Variants in TPCN2 observed in about 807,000 individuals in gnomAD.
TPCN2 encodes the protein two pore channel protein 2.
A neutral mutation model predicts 111.4 loss-of-function variants in TPCN2; 92 were observed. The observed-to-expected ratio is 0.83, with a 90% CI of 0.70 to 0.98. TPCN2 has a LOEUF of 0.98. Among genes scored for constraint, TPCN2 ranks in the 50% least tolerant of loss-of-function variants. The probability of loss-of-function intolerance (pLI) is 0.00; values close to 1 mark genes in which losing one functional copy is unlikely to be tolerated. For missense variants in TPCN2, 995 were observed against 980.1 expected, an observed-to-expected ratio of 1.02 and a Z score of -0.20; for synonymous variants, 405 against 414.5, an observed-to-expected ratio of 0.98 and a Z score of 0.28.
At chr11:69,072,773 C>T in intron 12 of TPCN2, 65 bp downstream of exon 12, 32 of 1,593,538 alleles carry the variant, frequency 2.0e-5, no homozygotes, top group Non-Finnish European at 2.8e-5. Flanking sequence ...GCCAGCAGCC[C>T]CTTTTCAGGA....
intron 3 of TPCN2, 40 bp from the exon 4 acceptor site, chr11:69,055,135 T>C (rs939193188): frequency 3.1e-5 from 49 of 1,601,758 alleles, no homozygotes; most frequent in Non-Finnish European, 4.0e-5. Context: ...CCCTGAGGGC[T>C]GCTGGCTCCT....
At chr11:69,076,924 GCCATGC>G (rs1486339936) in intron 13 of TPCN2, among the ~76,000 whole-genome samples, 4 of 105,918 alleles carry the variant, frequency 3.8e-5, no homozygotes, top group Non-Finnish European at 5.4e-5. Flanking sequence ...TTGCCCTCCT[GCCATGC>G]CCCTCCACCT....
At chr11:69,072,280 C>A (rs1305820430) in intron 11 of TPCN2, among the ~76,000 whole-genome samples, 1 of 152,212 alleles carries the variant, frequency 6.6e-6, no homozygotes, top group Non-Finnish European at 1.5e-5. Flanking sequence ...CTTCTTGTCC[C>A]CCTTTGTGCT....
intron 18 of TPCN2, among the ~76,000 whole-genome samples, chr11:69,081,941 A>T: frequency 6.6e-6 from 1 of 152,042 alleles, no homozygotes; most frequent in East Asian, 1.9e-4. Flanking sequence ...ACCATCTCTG[A>T]GGGCTGGTTT....
chr11:69,081,598 T>G, intron 18 of TPCN2, 99 bp downstream of exon 18: 1 of 854,634 alleles, frequency 1.2e-6, no homozygotes, highest in Non-Finnish European at 1.8e-6. Context: ...GCCCGAGGAC[T>G]GTGCCCGTCA....
intron 17 of TPCN2, 54 bp from the exon 18 acceptor site, chr11:69,081,346 C>A: frequency 7.6e-7 from 1 of 1,310,446 alleles, no homozygotes; most frequent in South Asian, 1.3e-5. Context: ...TCCTTGTCTC[C>A]TCCCTGTGGG....
Position 69,074,341 on chromosome 11 carries a change from C to T in TPCN2, c.1230+1340C>T, listed in dbSNP as rs771922312. On this transcript the variant is annotated intron_variant, in intron 13 of 24. Transcript: ENST00000294309. ...CCCCCAGCCCCTTGGGGCATATGGG[C>T]GATGAGTGTGGTGAGGATCAGTAGG... Among the ~76,000 whole-genome samples, 24 of 152,348 alleles carry T rather than the reference C, an allele frequency of 1.6e-4. 1 individual carries two copies. The highest frequency in any genetic ancestry group is 1.3e-3 in the Admixed American group (20 of 15,310).
chr11:69,084,039 T>C lies in TPCN2; in HGVS notation c.1761+23T>C, dbSNP rs778664897. On this transcript the variant is annotated intron_variant, in intron 19 of 24. Transcript: ENST00000294309. ...GTGGTGAGTCCCAGGCTGCTGCTGGTGGCGGGTTATGCACTGGAGTGGGAG... is the reference window on the plus strand; with the variant it reads ...GTGGTGAGTCCCAGGCTGCTGCTGGCGGCGGGTTATGCACTGGAGTGGGAG... 97 of 1,612,840 alleles carry C rather than the reference T, an allele frequency of 6.0e-5. No individual in the cohort carries two copies. The Admixed American group carries it at 1.6e-3, about 27-fold the overall frequency.
In TPCN2 at chr11:69,062,962, A is replaced by G; in HGVS notation, c.625A>G (p.Ile209Val). 6.2e-7 allele frequency: 1 copy of G among 1,613,900 alleles called. No individual in the cohort carries two copies. Among genetic ancestry groups the G allele is most frequent in the Non-Finnish European group, 8.5e-7 (1 of 1,179,874 alleles). ...SSMMKKTLKC[I>V]RWSLPEMASV... ...TATGATGAAGAAGACCTTGAAATGC[A>G]TCCGCTGGTCGCTGCCGGAAATGGC... The change falls in exon 6 of 25, where the codon ATC becomes GTC. Residue 209 changes from isoleucine (I) to valine (V), a missense_variant. Physicochemically the swap from Ile to Val is conservative, Grantham distance 29. Transcript: ENST00000294309.
intron 6 of TPCN2, 79 bp downstream of exon 6, chr11:69,063,069 C>T: frequency 2.3e-6 from 3 of 1,280,080 alleles, no homozygotes; most frequent in Non-Finnish European, 3.4e-6. Context: ...CGGGTGGGGC[C>T]CACCGGAGTC....
chr11:69,054,307 C>T (rs539620224), intron 2 of TPCN2: 40 of 593,884 alleles, frequency 6.7e-5, no homozygotes, highest in Non-Finnish European at 1.2e-4. Flanking sequence ...CTTTGATGCA[C>T]CGTGTTCTGA....
rs1009027010 is a variant in TPCN2 at position 69,079,960 on chromosome 11, G to T, written c.1589+77G>T. On this transcript the variant is annotated intron_variant, in intron 17 of 24. Transcript: ENST00000294309. The stretch of plus-strand genomic sequence containing the variant: ...CAGCGCCCCTGGGAGGGTCTCAGTG[G>T]TGTCCAGGGGGCTGGGTCTGCTCTG... 19 of 1,399,822 alleles carry T rather than the reference G, an allele frequency of 1.4e-5. 1 individual carries two copies. In the Admixed American group the frequency reaches 1.9e-4, roughly 14 times the overall value. 86.7% of individuals were successfully genotyped at this position (1,399,822 alleles called of 1,614,324 possible).
chr11:69,058,056 A>G (rs563110220), intron 5 of TPCN2, among the ~76,000 whole-genome samples: 1 of 152,314 alleles, frequency 6.6e-6, no homozygotes, highest in East Asian at 1.9e-4. Context: ...CATGCCCCGT[A>G]GTCACAAGCC....
At chr11:69,084,208 C>T (rs1436621555) in intron 19 of TPCN2, among the ~76,000 whole-genome samples, 192 bp downstream of exon 19, 1 of 152,200 alleles carries the variant, frequency 6.6e-6, no homozygotes, top group African/African-American at 2.4e-5. Flanking sequence ...CTTCTTTGTA[C>T]AGCAGGGAGC....
At position 69,054,806 on chromosome 11, in the gene TPCN2, G is replaced by T. The variant is rs200267949; in HGVS notation, c.251+9G>T. The stretch of plus-strand genomic sequence containing the variant: ...TCGAACGTATGCCAACGGTGAGAAC[G>T]CACCCATGTGGAACTCAGGGTTCCT... On this transcript the variant is annotated intron_variant, in intron 3 of 24. Coordinates refer to ENST00000294309, the MANE Select transcript of TPCN2 (RefSeq NM_139075.4). 2 of 1,612,998 alleles carry T rather than the reference G, an allele frequency of 1.2e-6. No homozygotes were observed. The highest frequency in any genetic ancestry group is 2.7e-5 in the African/African-American group (2 of 74,934).
chr11:69,084,358 G>A (rs961999882), intron 19 of TPCN2, among the ~76,000 whole-genome samples: 16 of 152,212 alleles, frequency 1.1e-4, no homozygotes, highest in African/African-American at 3.4e-4. Flanking sequence ...AGAGGCGCAG[G>A]GCTTTGCTCC....
Position 69,062,925 on chromosome 11 carries a change from G to T in TPCN2, c.588G>T (p.Leu196=). ...GGCTTCTCCGTCCCTTCTTCCTGCTGCAGAACTCCTCTATGATGAAGAAGA... is the reference window on the plus strand; with the variant it reads ...GGCTTCTCCGTCCCTTCTTCCTGCTTCAGAACTCCTCTATGATGAAGAAGA... ...IRRLLRPFFL[L]QNSSMMKKTL... is the part of the protein sequence containing the mutation. Residue 196 remains leucine (L), a synonymous_variant, in exon 6 of 25, where the codon CTG becomes CTT. Transcript: ENST00000294309. 6.2e-7 allele frequency: 1 copy of T among 1,614,038 alleles called. No homozygotes were observed. Among genetic ancestry groups the T allele is most frequent in the Non-Finnish European group, 8.5e-7 (1 of 1,179,934 alleles).
At chr11:69,063,763 C>G in intron 6 of TPCN2, 132 bp from the exon 7 acceptor site, 1 of 785,008 alleles carries the variant, frequency 1.3e-6, no homozygotes, top group Non-Finnish European at 2.1e-6. Context: ...GAGAGGGGGA[C>G]CCAGCTGCTG....
At chr11:69,077,763 G>T (rs909990631) in intron 13 of TPCN2, among the ~76,000 whole-genome samples, 18 of 152,310 alleles carry the variant, frequency 1.2e-4, no homozygotes, top group Middle Eastern at 3.4e-3. Flanking sequence ...GGACTTTCTG[G>T]GGGGATGAGC....
Sources: gnomAD v4.1 joint callset for allele counts (sites outside exome capture counted in the v4.1 genomes callset) on GRCh38, gnomAD v4.1.1 for gene constraint, MANE v1.5 for transcripts, NCBI Gene and HGNC (gene_info 2026-07-23, HGNC 2026-07-21) for gene names.